Variants in ZC3H12B observed in about 807,000 individuals in gnomAD.
ZC3H12B encodes zinc finger CCCH-type containing 12B, also known as probable ribonuclease ZC3H12B.
ZC3H12B carries 7 observed loss-of-function variants against 43.9 expected under a neutral mutation model. The ratio of observed to expected loss-of-function variants is 0.16; its 90% CI spans 0.09 to 0.30. ZC3H12B has a LOEUF of 0.30. ZC3H12B is among the 10% of genes least tolerant of loss of function. The pLI, the probability that ZC3H12B is intolerant of heterozygous loss-of-function variation, is 1.00. For synonymous variants in ZC3H12B, 222 were observed against 241.7 expected (o/e 0.92, Z 0.76); for missense variants, 475 against 670.2 (o/e 0.71, Z 3.22).
chrX:65,417,093 G>T (rs182145971), intron 3 of ZC3H12B, among the ~76,000 whole-genome samples: 1 of 111,396 alleles, frequency 9.0e-6, no homozygotes, highest in African/African-American at 3.3e-5. Flanking sequence ...CTAGACCATT[G>T]CTTCTCAAAC....
the ZC3H12B span, among the ~76,000 whole-genome samples, chrX:65,093,507 G>A: frequency 2.6e-4 from 29 of 112,279 alleles, 1 homozygote; most frequent in Admixed American, 2.7e-3. Context: ...ACAGGGGCAG[G>A]GCTGTGCAAG....
chrX:65,507,604 A>C (rs2068438623), exon 5 of ZC3H12B: 1 of 112,083 alleles, frequency 8.9e-6, no homozygotes, highest in African/African-American at 3.2e-5. Flanking sequence ...AACTTTTATA[A>C]AATCTCTTTG....
chrX:65,444,637 C>T (rs180774636), intron 3 of ZC3H12B, among the ~76,000 whole-genome samples: 14 of 111,489 alleles, frequency 1.3e-4, no homozygotes, highest in Admixed American at 5.7e-4. Context: ...AAATTGGTAC[C>T]GGTAGAGTGG....
chrX:65,131,467 G>T, the ZC3H12B span, among the ~76,000 whole-genome samples: 4 of 111,515 alleles, frequency 3.6e-5, no homozygotes, highest in African/African-American at 9.8e-5. Context: ...GCACTGCCCT[G>T]CACTTTGGCT....
intron 3 of ZC3H12B, among the ~76,000 whole-genome samples, chrX:65,421,663 AAAG>A (rs1343575666): frequency 1.8e-5 from 2 of 112,531 alleles, no homozygotes; most frequent in East Asian, 5.6e-4. Flanking sequence ...CTTCACAGCA[AAAG>A]AAGTGCAGCA....
At chrX:65,137,610 T>G in the ZC3H12B span, among the ~76,000 whole-genome samples, 1 of 112,419 alleles carries the variant, frequency 8.9e-6, no homozygotes, top group African/African-American at 3.2e-5. Flanking sequence ...ATCTGAATTA[T>G]CTTTTTTGTT....
At chrX:65,420,122 C>T (rs995539378) in intron 3 of ZC3H12B, among the ~76,000 whole-genome samples, 1 of 111,907 alleles carries the variant, frequency 8.9e-6, no homozygotes, top group African/African-American at 3.2e-5. Flanking sequence ...AGACACAAGG[C>T]CTATCCCAGC....
the ZC3H12B span, among the ~76,000 whole-genome samples, chrX:65,267,199 C>CTT: frequency 0.023 from 2,105 of 90,346 alleles, 71 homozygotes; most frequent in African/African-American, 0.081. Flanking sequence ...TTCTTTCTTT[C>CTT]TTTTTTTTTT....
chrX:65,474,784 A>G (rs1164100584), intron 3 of ZC3H12B, among the ~76,000 whole-genome samples: 5 of 110,975 alleles, frequency 4.5e-5, no homozygotes, highest in Non-Finnish European at 9.4e-5. Flanking sequence ...CTAATTTTGT[A>G]TTAGTAGAGA....
At chrX:65,255,330 G>C in the ZC3H12B span, among the ~76,000 whole-genome samples, 1 of 111,794 alleles carries the variant, frequency 8.9e-6, no homozygotes, top group Non-Finnish European at 1.9e-5. Flanking sequence ...CAGCAAAGGG[G>C]AAAGTATCAG....
the ZC3H12B span, among the ~76,000 whole-genome samples, chrX:65,290,587 A>G: frequency 8.9e-6 from 1 of 111,905 alleles, no homozygotes; most frequent in African/African-American, 3.2e-5. Context: ...CACAATACCA[A>G]AGATATGGAT....
chrX:65,094,260 C>CTTT, the ZC3H12B span, among the ~76,000 whole-genome samples: 1 of 96,617 alleles, frequency 1.0e-5, no homozygotes, highest in Non-Finnish European at 2.1e-5. Context: ...AATTAAGCCT[C>CTTT]TTTTTTTTTT....
the ZC3H12B span, among the ~76,000 whole-genome samples, chrX:65,080,828 A>G: frequency 8.9e-6 from 1 of 111,840 alleles, no homozygotes; most frequent in African/African-American, 3.2e-5. Context: ...AAAACACAGA[A>G]TATTATAACA....
the ZC3H12B span, among the ~76,000 whole-genome samples, chrX:65,224,868 C>T: frequency 2.2e-4 from 25 of 112,074 alleles, no homozygotes; most frequent in East Asian, 5.6e-4. Context: ...ACAAAGCAGC[C>T]GGGAAGCTCA....
At chrX:65,327,016 T>C in the ZC3H12B span, among the ~76,000 whole-genome samples, 13,841 of 110,878 alleles carry the variant, frequency 0.12, 2,076 homozygotes, top group African/African-American at 0.42. Flanking sequence ...ACCTTGTACA[T>C]TGTTGGGAGA....
At chrX:65,130,685 T>C in the ZC3H12B span, among the ~76,000 whole-genome samples, 1 of 111,332 alleles carries the variant, frequency 9.0e-6, no homozygotes, top group South Asian at 3.8e-4. Context: ...TATGAAATGA[T>C]GACAGAATAG....
At chrX:65,076,209 C>T in the ZC3H12B span, among the ~76,000 whole-genome samples, 12 of 107,465 alleles carry the variant, frequency 1.1e-4, no homozygotes, top group Non-Finnish European at 1.7e-4. Flanking sequence ...TGTTGGAGTG[C>T]AGTGGTGTGA....
intron 3 of ZC3H12B, among the ~76,000 whole-genome samples, chrX:65,418,566 TAATGGACAAC>T (rs1186339630): frequency 9.0e-6 from 1 of 111,579 alleles, no homozygotes; most frequent in Non-Finnish European, 1.9e-5. Flanking sequence ...GTGGTTACCT[TAATGGACAAC>T]CAAGTCAAAG....
intron 3 of ZC3H12B, among the ~76,000 whole-genome samples, chrX:65,416,718 G>A (rs917601092): frequency 2.8e-5 from 3 of 108,549 alleles, no homozygotes; most frequent in Non-Finnish European, 3.8e-5. Flanking sequence ...TGAACCGGAA[G>A]GCGGAGCTTG....
Sources: allele counts gnomAD v4.1 joint callset (sites outside exome capture counted in the v4.1 genomes callset), GRCh38; gene constraint gnomAD v4.1.1; transcripts MANE v1.5; gene names NCBI Gene and HGNC (gene_info 2026-07-23, HGNC 2026-07-21).